SULF2: variants seen among roughly 807,000 people sequenced by gnomAD.
SULF2 encodes sulfatase 2, also known as extracellular sulfatase Sulf-2.
In SULF2, 52 loss-of-function variants were observed where a neutral mutation model predicts 107.7. That is an observed-to-expected ratio of 0.48 (90% CI 0.39 to 0.61). SULF2 has a LOEUF of 0.61. SULF2 is among the 20% of genes least tolerant of loss of function. The probability of loss-of-function intolerance (pLI) is 0.00; values close to 1 mark genes in which losing one functional copy is unlikely to be tolerated. For missense variants in SULF2, 993 were observed against 1,177.3 expected (o/e 0.84, Z 2.29); for synonymous variants, 460 against 464.3 (o/e 0.99, Z 0.12).
At chr20:47,783,988 T>C (rs563554490) in intron 1 of SULF2, among the ~76,000 whole-genome samples, 15 of 152,326 alleles carry the variant, frequency 9.8e-5, no homozygotes, top group African/African-American at 3.6e-4. Flanking sequence ...CTAATTTAAT[T>C]AGAACCCTCT....
chr20:47,714,353 C>T (rs140465247), intron 3 of SULF2, among the ~76,000 whole-genome samples: 56 of 152,332 alleles, frequency 3.7e-4, no homozygotes, highest in African/African-American at 1.3e-3. Context: ...GTGATCCATA[C>T]ATCCGTCAAT....
At chr20:47,747,125 A>G (rs897441622) in intron 2 of SULF2, among the ~76,000 whole-genome samples, 9 of 151,854 alleles carry the variant, frequency 5.9e-5, no homozygotes, top group African/African-American at 1.9e-4. Flanking sequence ...AATCCAGAAT[A>G]ATTACACTGG....
chr20:47,785,262 G>A (rs1401764884), intron 1 of SULF2, 81 bp downstream of exon 1: 3 of 141,928 alleles, frequency 2.1e-5, no homozygotes, highest in African/African-American at 5.2e-5. Flanking sequence ...GGCTCACGCC[G>A]GGGAAGGCTC....
intron 3 of SULF2, among the ~76,000 whole-genome samples, chr20:47,724,437 A>G (rs559286050): frequency 4.7e-4 from 71 of 152,194 alleles, no homozygotes; most frequent in Non-Finnish European, 7.4e-4. Context: ...GACTGGTTGT[A>G]GCAGGGCCAG....
At chr20:47,661,593 C>T in intron 18 of SULF2, 180 bp downstream of exon 18, 1 of 481,712 alleles carries the variant, frequency 2.1e-6, no homozygotes, top group Non-Finnish European at 3.5e-6. Flanking sequence ...TCTCAGGAAT[C>T]ACAGCTTGTT....
chr20:47,769,359 AT>A (rs71183279), intron 1 of SULF2, among the ~76,000 whole-genome samples: 547 of 128,508 alleles, frequency 4.3e-3, no homozygotes, highest in Middle Eastern at 8.5e-3. Flanking sequence ...TAATTTTTGT[AT>A]TTTTTTTTTT....
chr20:47,676,256 C>T (rs1303080376), intron 10 of SULF2, among the ~76,000 whole-genome samples: 1 of 152,210 alleles, frequency 6.6e-6, no homozygotes, highest in Non-Finnish European at 1.5e-5. Context: ...GGCATACACA[C>T]ACCCACGGGA....
chr20:47,661,708 C>A lies in SULF2; in HGVS notation c.2494+65G>T, dbSNP rs562710325. On this transcript the variant is annotated intron_variant, in intron 18 of 20. Transcript: ENST00000688720. The stretch of plus-strand genomic sequence containing the variant: ...AGGCTCATTCTTGGGGTAGACACCA[C>A]CTCCTGAGTCCCTTCCTTTGGTTAC... The A allele has an allele frequency of 5.3e-5, 73 of 1,388,708 alleles. No homozygotes were observed. The African/African-American group carries it at 9.9e-4, about 19-fold the overall frequency. The allele number at this position is 1,388,708 out of a possible 1,614,324, so 86.0% of individuals were successfully genotyped here.
intron 1 of SULF2, among the ~76,000 whole-genome samples, chr20:47,781,567 C>A (rs2090833946): frequency 6.6e-6 from 1 of 152,124 alleles, no homozygotes; most frequent in Non-Finnish European, 1.5e-5. Flanking sequence ...GGGCTTAAAC[C>A]AGAGGGGATG....
intron 3 of SULF2, among the ~76,000 whole-genome samples, chr20:47,717,760 G>A (rs927392243): frequency 4.6e-5 from 7 of 152,034 alleles, no homozygotes; most frequent in African/African-American, 1.7e-4. Context: ...ACAGGTAGGA[G>A]CCATAGTCGT....
chr20:47,752,910 G>A (rs1239225425), intron 2 of SULF2, among the ~76,000 whole-genome samples: 1 of 152,030 alleles, frequency 6.6e-6, no homozygotes, highest in Non-Finnish European at 1.5e-5. Context: ...AGGCCAACCT[G>A]GCCAACATGG....
chr20:47,731,262 G>A (rs1234007290), intron 3 of SULF2, among the ~76,000 whole-genome samples: 3 of 138,356 alleles, frequency 2.2e-5, no homozygotes, highest in Non-Finnish European at 3.0e-5. Context: ...GTGCGATCTC[G>A]GCTCACTGCA....
intron 4 of SULF2, among the ~76,000 whole-genome samples, chr20:47,699,176 A>G (rs565554563): frequency 4.6e-5 from 7 of 152,122 alleles, no homozygotes; most frequent in Non-Finnish European, 8.8e-5. Flanking sequence ...TTAACAGTTT[A>G]TATCATATCT....
At chr20:47,780,367 C>T (rs548051911) in intron 1 of SULF2, among the ~76,000 whole-genome samples, 1 of 151,980 alleles carries the variant, frequency 6.6e-6, no homozygotes, top group Admixed American at 6.5e-5. Flanking sequence ...TGGACAGGCC[C>T]CTCCCACCGC....
chr20:47,666,010 G>C lies in SULF2; in HGVS notation c.1806-57C>G, dbSNP rs1186530169. 6.2e-6 allele frequency: 10 copies of C among 1,600,506 alleles called. No homozygotes were observed. In the South Asian group the frequency reaches 8.8e-5, roughly 14 times the overall value. Reference sequence around the variant, plus strand: ...GAGGTGGTGGAGGGGGAGCAGCCCAGGTGCCCAAGAGGTGTGGGAAGCCCT... The same window carrying C: ...GAGGTGGTGGAGGGGGAGCAGCCCACGTGCCCAAGAGGTGTGGGAAGCCCT... On this transcript the variant is annotated intron_variant, in intron 12 of 20. Transcript: ENST00000688720. The surrounding 1 kb of genome is among the most constrained non-coding windows in gnomAD (Gnocchi z 5.4).
intron 3 of SULF2, among the ~76,000 whole-genome samples, chr20:47,711,688 T>C (rs997839092): frequency 6.6e-6 from 1 of 152,222 alleles, no homozygotes; most frequent in Non-Finnish European, 1.5e-5. Context: ...TGCAACACCA[T>C]TTCATTAAAT....
Position 47,713,067 on chromosome 20 carries a change from A to T in SULF2, c.416-10397T>A, listed in dbSNP as rs902134409. The stretch of plus-strand genomic sequence containing the variant: ...GGGGCAGGGGTGGGGGGAGAAAAAG[A>T]AAGGAAGGGATTTCTATTATAGTGT... On this transcript the variant is annotated intron_variant, in intron 3 of 20. Coordinates refer to ENST00000688720, the MANE Select transcript of SULF2 (RefSeq NM_001387048.1). Among the ~76,000 whole-genome samples the T allele has an allele frequency of 4.6e-5, 7 of 151,990 alleles. 1 individual carries two copies.
chr20:47,762,508 C>A (rs1353846386), intron 1 of SULF2, among the ~76,000 whole-genome samples: 1 of 152,200 alleles, frequency 6.6e-6, no homozygotes, highest in South Asian at 2.1e-4. Flanking sequence ...CACTTTCCCC[C>A]GATCATATGG....
rs1407281387 is a variant in SULF2 at position 47,785,343 on chromosome 20, C to A, written c.-101G>T. 6.8e-6 allele frequency: 1 copy of A among 147,252 alleles called. No homozygotes were observed. 9.1% of individuals were successfully genotyped at this position (147,252 alleles called of 1,614,324 possible). On this transcript the variant is annotated splice_region_variant and 5_prime_UTR_variant, in exon 1 of 21. Transcript: ENST00000688720. ...CACCTGCCCCCCACGCCCCACTCAC[C>A]AGCGCGCACGGCCCCGGCAACCTCA... is the stretch of plus-strand genomic sequence containing the variant.
Sources: gnomAD v4.1 joint callset for allele counts (sites outside exome capture counted in the v4.1 genomes callset) on GRCh38, gnomAD v4.1.1 for gene constraint, Gnocchi (gnomAD v3.1) non-coding constraint, MANE v1.5 for transcripts, NCBI Gene and HGNC (gene_info 2026-07-23, HGNC 2026-07-21) for gene names.